CCDC57: variants seen among roughly 807,000 people sequenced by gnomAD.
The protein encoded by CCDC57 is coiled-coil domain-containing protein 57.
CCDC57 carries 118 observed loss-of-function variants against 118.9 expected under a neutral mutation model. The ratio of observed to expected loss-of-function variants is 0.99; its 90% CI spans 0.86 to 1.16. CCDC57 has a LOEUF of 1.16. Ranked by LOEUF, CCDC57 falls within the 50% of genes most tolerant of loss-of-function variation. The pLI, the probability that CCDC57 is intolerant of heterozygous loss-of-function variation, is 0.00. For synonymous variants in CCDC57, 527 were observed against 532.9 expected (o/e 0.99, Z 0.15); for missense variants, 1,300 against 1,320.7 (o/e 0.98, Z 0.24).
chr17:82,201,727 C>A (rs776885930), exon 3 of CCDC57: 20 of 1,613,854 alleles, frequency 1.2e-5, no homozygotes, highest in South Asian at 1.1e-5. Context: ...GGCGTCATAG[C>A]GCTCCAGCTC....
chr17:82,202,015 T>C, intron 2 of CCDC57, 63 bp from the exon 2 acceptor site: 5 of 1,413,324 alleles, frequency 3.5e-6, no homozygotes, highest in African/African-American at 2.9e-5. Flanking sequence ...CCTACCACAG[T>C]ACCTACCTCA....
intron 11 of CCDC57, among the ~76,000 whole-genome samples, chr17:82,176,926 T>C (rs2045589609): frequency 6.6e-6 from 1 of 152,048 alleles, no homozygotes; most frequent in African/African-American, 2.4e-5. Flanking sequence ...AGTAACTGAA[T>C]TGGCATTTGC....
At chr17:82,206,659 G>A (rs1007067130) in intron 2 of CCDC57, among the ~76,000 whole-genome samples, 1 of 152,020 alleles carries the variant, frequency 6.6e-6, no homozygotes, top group Non-Finnish European at 1.5e-5. Context: ...ACTGTTACAC[G>A]TATGTGTTTC....
At chr17:82,126,083 C>T (rs181374989) in intron 19 of CCDC57, among the ~76,000 whole-genome samples, 118 of 152,162 alleles carry the variant, frequency 7.8e-4, no homozygotes, top group Admixed American at 3.5e-3. Flanking sequence ...GAGTTCGAGA[C>T]GAGCCAGCCC....
intron 13 of CCDC57, among the ~76,000 whole-genome samples, chr17:82,163,982 G>A (rs1285986396): frequency 6.6e-6 from 1 of 152,186 alleles, no homozygotes; most frequent in African/African-American, 2.4e-5. Flanking sequence ...CAAGGTTACA[G>A]TGAGCTATGA....
chr17:82,148,310 T>TGGC (rs2041184046), intron 16 of CCDC57, among the ~76,000 whole-genome samples: 1 of 116,500 alleles, frequency 8.6e-6, no homozygotes, highest in African/African-American at 3.4e-5. Context: ...GGTGGGTGAA[T>TGGC]GGATAAATGG....
At chr17:82,147,756 A>G (rs2041008512) in intron 16 of CCDC57, among the ~76,000 whole-genome samples, 1 of 91,828 alleles carries the variant, frequency 1.1e-5, no homozygotes, top group Admixed American at 1.4e-4. Context: ...AGATGGATGG[A>G]TGGATGGGTT....
At chr17:82,138,822 C>A (rs2039647491) in intron 16 of CCDC57, among the ~76,000 whole-genome samples, 1 of 152,198 alleles carries the variant, frequency 6.6e-6, no homozygotes, top group Non-Finnish European at 1.5e-5. Context: ...TCATTAGAGT[C>A]CCGAAGCCAT....
chr17:82,196,876 C>T (rs2048361692), intron 4 of CCDC57, among the ~76,000 whole-genome samples: 1 of 149,278 alleles, frequency 6.7e-6, no homozygotes, highest in Non-Finnish European at 1.5e-5. Flanking sequence ...GACGCAGCCC[C>T]TCATGACTCC....
chr17:82,157,598 G>C, intron 15 of CCDC57, 150 bp downstream of exon 14: 1 of 1,440,570 alleles, frequency 6.9e-7, no homozygotes, highest in Non-Finnish European at 9.1e-7. Flanking sequence ...GGGTGGAGCA[G>C]GGCCCACTTC....
At chr17:82,200,769 G>C (rs2048899561) in intron 3 of CCDC57, among the ~76,000 whole-genome samples, 1 of 151,732 alleles carries the variant, frequency 6.6e-6, no homozygotes, top group Non-Finnish European at 1.5e-5. Flanking sequence ...ATCCAGCCTG[G>C]ACAACACAGC....
Position 82,201,591 on chromosome 17 carries a change from C to T in CCDC57, c.354G>A (p.Gln118=), listed in dbSNP as rs377235465. 2.1e-4 allele frequency: 338 copies of T among 1,612,818 alleles called. 2 individuals carry two copies. In the East Asian group the frequency reaches 5.7e-3, roughly 27 times the overall value. The change falls in exon 3 of 20, where the codon CAG becomes CAA. Residue 118 remains glutamine, a synonymous_variant. Transcript: ENST00000665763. ...GCTCCTGGAATGCCAGCTGCTGCTGCTGCTGCAGCTCCTCCACCTTCCTGG... is the reference window on the plus strand; with the variant it reads ...GCTCCTGGAATGCCAGCTGCTGCTGTTGCTGCAGCTCCTCCACCTTCCTGG...
chr17:82,193,193 C>A (rs78822707), intron 7 of CCDC57, among the ~76,000 whole-genome samples: 3 of 152,128 alleles, frequency 2.0e-5, no homozygotes, highest in Non-Finnish European at 4.4e-5. Flanking sequence ...CCAAGTTCTA[C>A]GTTTTACAGC....
At chr17:82,200,953 T>C (rs2048923645) in intron 3 of CCDC57, among the ~76,000 whole-genome samples, 1 of 152,226 alleles carries the variant, frequency 6.6e-6, no homozygotes, top group Non-Finnish European at 1.5e-5. Context: ...GTTAATGTGC[T>C]ATGATGAACC....
chr17:82,133,862 A>AACAG (rs2038792347), intron 17 of CCDC57, among the ~76,000 whole-genome samples: 1 of 151,956 alleles, frequency 6.6e-6, no homozygotes, highest in Admixed American at 6.6e-5. Flanking sequence ...TGTCTCAAAA[A>AACAG]ACAAACAAAC....
At chr17:82,120,168 A>AT (rs1392968112) in intron 19 of CCDC57, among the ~76,000 whole-genome samples, 92 of 106,996 alleles carry the variant, frequency 8.6e-4, no homozygotes, top group African/African-American at 2.2e-3. Context: ...CATTATTATT[A>AT]TTATTATTTT....
chr17:82,102,954 G>A (rs1598596349), intron 19 of CCDC57, among the ~76,000 whole-genome samples: 1 of 152,000 alleles, frequency 6.6e-6, no homozygotes, highest in Non-Finnish European at 1.5e-5. Context: ...TGGCCACACT[G>A]TGGCTGGGGT....
intron 3 of CCDC57, 103 bp downstream of exon 2, chr17:82,201,435 G>A (rs532156261): frequency 3.7e-6 from 5 of 1,346,082 alleles, no homozygotes; most frequent in Middle Eastern, 5.3e-4. Flanking sequence ...GCGGGAGGAG[G>A]GGCAGTGAGA....
intron 1 of CCDC57, among the ~76,000 whole-genome samples, chr17:82,211,027 AAGAG>A (rs2050151779): frequency 6.6e-6 from 1 of 151,554 alleles, no homozygotes; most frequent in African/African-American, 2.4e-5. Flanking sequence ...AAAAAAGAAA[AAGAG>A]AGAAAGAAAG....
Sources: allele counts gnomAD v4.1 joint callset (sites outside exome capture counted in the v4.1 genomes callset), GRCh38; gene constraint gnomAD v4.1.1; transcripts MANE v1.5; gene names NCBI Gene and HGNC (gene_info 2026-07-23, HGNC 2026-07-21).